The following DSC1 variants were observed in gnomAD, a reference collection of about 807,000 sequenced individuals.
DSC1 encodes desmocollin 1, also known as desmocollin-1.
In DSC1, 79 loss-of-function variants were observed where a neutral mutation model predicts 98.8. The ratio of observed to expected loss-of-function variants is 0.80; its 90% confidence interval spans 0.67 to 0.96. The LOEUF (loss-of-function observed/expected upper bound fraction) is 0.96, where lower values mean the gene tolerates loss of function less well. DSC1 is among the 50% of genes least tolerant of loss of function. DSC1 has a pLI of 0.00. For synonymous variants in DSC1, 405 were observed against 372.1 expected, an observed-to-expected ratio of 1.09 and a Z score of -1.02; for missense variants, 1,115 against 1,075.9, an observed-to-expected ratio of 1.04 and a Z score of -0.51.
intron 7 of DSC1, among the ~76,000 whole-genome samples, chr18:31,144,919 G>A (rs1274362094): frequency 1.3e-5 from 2 of 149,700 alleles, no homozygotes; most frequent in African/African-American, 4.9e-5. Context: ...TATGGGAACC[G>A]TCTGTATTTT....
chr18:31,151,515 T>A (rs1445790468), intron 5 of DSC1, among the ~76,000 whole-genome samples: 4 of 152,214 alleles, frequency 2.6e-5, no homozygotes, highest in Non-Finnish European at 5.9e-5. Flanking sequence ...CAATAAAAAA[T>A]AATTTAGAAT....
At position 31,157,421 on chromosome 18, in the gene DSC1, T is replaced by C; in HGVS notation, c.301A>G (p.Arg101Gly). Reference sequence around the variant, plus strand: ...ACTTTTATCTCTTGTTGTTCCCGTCTCTGACCATCTGAAAGGAAAATGGAA... The same window carrying C: ...ACTTTTATCTCTTGTTGTTCCCGTCCCTGACCATCTGAAAGGAAAATGGAA... ...SFSIFLSDGQ[R>G]REQQEIKVVL... Residue 101 changes from arginine (R) to glycine (G), a missense_variant, in exon 3 of 16, where the codon AGA becomes GGA. Coordinates refer to ENST00000257198, the MANE Select transcript of DSC1 (RefSeq NM_024421.2). 1.2e-6 allele frequency: 2 copies of C among 1,614,256 alleles called. No homozygotes were observed. Among genetic ancestry groups the C allele is most frequent in the South Asian group, 2.2e-5 (2 of 91,084 alleles).
chr18:31,159,614 A>G, intron 1 of DSC1, 85 bp from the exon 2 acceptor site: 1 of 1,278,248 alleles, frequency 7.8e-7, no homozygotes, highest in East Asian at 2.5e-5. Context: ...TGATAAAAAT[A>G]TTGTCAATTT....
At chr18:31,159,400 A>AT (rs773834536) in intron 2 of DSC1, 45 bp downstream of exon 2, 37 of 1,588,780 alleles carry the variant, frequency 2.3e-5, no homozygotes, top group Middle Eastern at 3.3e-4. Flanking sequence ...CCTGCAGCTA[A>AT]ATGTGACAAG....
chr18:31,161,929 C>T (rs1989217080), intron 1 of DSC1, among the ~76,000 whole-genome samples: 6 of 152,102 alleles, frequency 3.9e-5, no homozygotes, highest in Admixed American at 3.9e-4. Flanking sequence ...AAATAACCCC[C>T]CTCTCTTCCC....
intron 5 of DSC1, among the ~76,000 whole-genome samples, chr18:31,151,448 A>G (rs532625758): frequency 3.3e-5 from 5 of 152,350 alleles, no homozygotes; most frequent in African/African-American, 1.2e-4. Flanking sequence ...TAATGGTTTT[A>G]TTACTATATC....
In DSC1 at chr18:31,129,606, T is replaced by C. The variant is rs1210999606; in HGVS notation, c.*908A>G. 1 of 152,146 alleles carries C rather than the reference T, an allele frequency of 6.6e-6. No individual in the cohort carries two copies. Among genetic ancestry groups the C allele is most frequent in the Non-Finnish European group, 1.5e-5 (1 of 68,038 alleles). The allele number at this position is 152,146 out of a possible 1,614,324, so 9.4% of individuals were successfully genotyped here. ...GCATCAGGGCTAGTTGTCCAAATGC[T>C]TGGAGATGGCAGGTGGCAACCACAG... On this transcript the variant is annotated 3_prime_UTR_variant, in exon 16 of 16. Transcript: ENST00000257198.
rs529958538 is a variant in DSC1, at chr18:31,156,231, C to T, written c.352-69G>A. On this transcript the variant is annotated intron_variant, in intron 3 of 15. Transcript: ENST00000257198. ...TTTTTGGAACTGTGATTATTTTACA[C>T]ATACATCAACAAGCAGATGTAAGGG... 19 of 1,559,104 alleles carry T rather than the reference C, an allele frequency of 1.2e-5. No individual in the cohort carries two copies. The Admixed American group carries it at 2.5e-4, about 21-fold the overall frequency.
chr18:31,148,678 A>G (rs1988899153), intron 5 of DSC1, 36 bp from the exon 6 acceptor site: 5 of 1,506,946 alleles, frequency 3.3e-6, no homozygotes, highest in Non-Finnish European at 4.5e-6. Flanking sequence ...TGTATTCTCA[A>G]ACCACAAATT....
At chr18:31,134,852 T>G (rs568785320) in intron 11 of DSC1, 68 bp from the exon 12 acceptor site, 1 of 1,428,410 alleles carries the variant, frequency 7.0e-7, no homozygotes, top group South Asian at 1.3e-5. Context: ...ATTTATAAAA[T>G]ACACAGTTGA....
At chr18:31,147,742 T>C (rs1029469220) in intron 6 of DSC1, among the ~76,000 whole-genome samples, 15 of 152,116 alleles carry the variant, frequency 9.9e-5, no homozygotes, top group African/African-American at 3.4e-4. Context: ...TATAAGATTT[T>C]AATATAAACT....
intron 6 of DSC1, among the ~76,000 whole-genome samples, chr18:31,147,861 C>T (rs1988878790): frequency 6.6e-6 from 1 of 152,052 alleles, no homozygotes; most frequent in South Asian, 2.1e-4. Flanking sequence ...TGTTTGATTA[C>T]ATCACTTTTT....
chr18:31,157,538 T>A lies in DSC1; in HGVS notation c.184A>T (p.Ile62Phe). 1.2e-6 allele frequency: 2 copies of A among 1,614,208 alleles called. No individual in the cohort carries two copies. The highest frequency in any genetic ancestry group is 1.7e-6 in the Non-Finnish European group (2 of 1,180,024). ...CTGAAGGCAGGGTCACTGGACCGGATTAGGCTGGCCGACTTGAGACACTCC... is the reference window on the plus strand; with the variant it reads ...CTGAAGGCAGGGTCACTGGACCGGAATAGGCTGGCCGACTTGAGACACTCC... ...LEECLKSASL[I>F]RSSDPAFRIL... Residue 62 changes from isoleucine (I) to phenylalanine (F), a missense_variant, in exon 3 of 16, where the codon ATC (isoleucine) becomes TTC (phenylalanine). Physicochemically the swap from Ile to Phe is conservative, Grantham distance 21 (BLOSUM62 0). Coordinates refer to ENST00000257198, the MANE Select transcript of DSC1 (RefSeq NM_024421.2).
At chr18:31,144,078 C>G (rs535103766) in intron 7 of DSC1, among the ~76,000 whole-genome samples, 2 of 151,942 alleles carry the variant, frequency 1.3e-5, no homozygotes, top group East Asian at 3.9e-4. Context: ...CCCAGCTAAT[C>G]TTTGTATTTT....
intron 13 of DSC1, among the ~76,000 whole-genome samples, chr18:31,133,476 GT>G (rs755257724): frequency 2.0e-4 from 31 of 152,180 alleles, no homozygotes; most frequent in South Asian, 1.9e-3. Flanking sequence ...AAATATCTGA[GT>G]AAATTTTGGA....
In DSC1 at chr18:31,134,106, C is replaced by A. The variant is rs762966345; in HGVS notation, c.1901G>T (p.Arg634Leu). The A allele has an allele frequency of 4.1e-5, 65 of 1,604,700 alleles. No homozygotes were observed. Among genetic ancestry groups the A allele is most frequent in the Admixed American group, 8.4e-5 (5 of 59,838 alleles). The change falls in exon 13 of 16, where the codon CGG becomes CTG. Residue 634 changes from arginine (R) to leucine (L), a missense_variant. Transcript: ENST00000257198. The part of the protein sequence containing the change: ...KDGKTAILRQ[R>L]QNLDYNYYSV... Reference sequence around the variant, plus strand: ...ATAATAGTTATAATCAAGATTTTGCCGTTGACGAAGAATGGCAGTTTTACC... The same window carrying A: ...ATAATAGTTATAATCAAGATTTTGCAGTTGACGAAGAATGGCAGTTTTACC...
rs1386295441 is a variant in DSC1 at position 31,139,776 on chromosome 18, G to A, written c.1635C>T (p.Tyr545=). 8.7e-6 allele frequency: 14 copies of A among 1,609,578 alleles called. No homozygotes were observed. The highest frequency in any genetic ancestry group is 1.2e-5 in the Non-Finnish European group (14 of 1,178,464). The change falls in exon 11 of 16, where the codon TAC becomes TAT. Residue 545 remains tyrosine (Y), a synonymous_variant. Coordinates refer to ENST00000257198, the MANE Select transcript of DSC1 (RefSeq NM_024421.2). ...CATCCACTGCAACAACTGAAATATT[G>A]TATTGGTTGTTTTTTACAAATTTGG... is the stretch of plus-strand genomic sequence containing the variant. ...RESKFVKNNQ[Y]NISVVAVDAV...
chr18:31,134,520 C>A, intron 12 of DSC1, 52 bp downstream of exon 12: 1 of 1,349,020 alleles, frequency 7.4e-7, no homozygotes, highest in Non-Finnish European at 1.0e-6. Context: ...GTGAAAGAAC[C>A]ATCACCAATC....
rs2144907199 is a variant in DSC1, at chr18:31,129,445, A to T, written c.*1069T>A. The T allele has an allele frequency of 6.6e-6, 1 of 152,104 alleles. No homozygotes were observed. Among genetic ancestry groups the T allele is most frequent in the South Asian group, 2.1e-4 (1 of 4,822 alleles). The allele number at this position is 152,104 out of a possible 1,614,324, so 9.4% of individuals were successfully genotyped here. A position where few individuals can be genotyped will look rare whatever the true frequency, so the allele number is the denominator to read the frequency against. ...AGTGGGGGTTTCTCATATACATTCT[A>T]GTCCCTAATTCTGACTGCCCATTTT... On this transcript the variant is annotated 3_prime_UTR_variant, in exon 16 of 16. Coordinates refer to ENST00000257198, the MANE Select transcript of DSC1 (RefSeq NM_024421.2).
Sources: allele counts gnomAD v4.1 joint callset (sites outside exome capture counted in the v4.1 genomes callset), GRCh38; gene constraint gnomAD v4.1.1; transcripts MANE v1.5; gene names NCBI Gene and HGNC (gene_info 2026-07-23, HGNC 2026-07-21).